The following ACBD6 variants were observed in gnomAD, a reference collection of about 807,000 sequenced individuals.
ACBD6 encodes the protein acyl-CoA-binding domain-containing protein 6.
ACBD6 carries 28 observed loss-of-function variants against 37.2 expected under a neutral mutation model. The observed-to-expected ratio is 0.75, with a 90% CI of 0.56 to 1.03. The LOEUF (loss-of-function observed/expected upper bound fraction) is 1.03, where lower values mean the gene tolerates loss of function less well. ACBD6 is among the 50% of genes least tolerant of loss of function. The probability of loss-of-function intolerance (pLI) is 0.00; values close to 1 mark genes in which losing one functional copy is unlikely to be tolerated. For synonymous variants in ACBD6, 113 were observed against 126.8 expected (o/e 0.89, Z 0.73); for missense variants, 340 against 337.4 (o/e 1.01, Z -0.06).
At chr1:180,420,154 G>A (rs961574764) in intron 4 of ACBD6, among the ~76,000 whole-genome samples, 2 of 152,030 alleles carry the variant, frequency 1.3e-5, no homozygotes, top group Admixed American at 1.3e-4. Context: ...CCATCAAGTC[G>A]TCTTCTGTTA....
intron 1 of ACBD6, among the ~76,000 whole-genome samples, chr1:180,497,537 G>A (rs1281128384): frequency 6.6e-6 from 1 of 151,984 alleles, no homozygotes; most frequent in Non-Finnish European, 1.5e-5. Context: ...ATTTATATGG[G>A]TTATATCTAT....
intron 3 of ACBD6, among the ~76,000 whole-genome samples, chr1:180,463,239 G>A (rs1650218126): frequency 3.9e-5 from 6 of 152,014 alleles, no homozygotes; most frequent in Admixed American, 3.9e-4. Flanking sequence ...TGAACTGAAG[G>A]ATATAGACAT....
At chr1:180,274,849 C>T in exon 10 of ACBD6, 1 of 385,656 alleles carries the variant, frequency 2.6e-6, no homozygotes, top group Non-Finnish European at 4.7e-6. Flanking sequence ...GGGTCTCTCC[C>T]CTGCTGTTCT....
chr1:180,456,730 A>T (rs962592759), intron 3 of ACBD6, among the ~76,000 whole-genome samples: 24 of 147,262 alleles, frequency 1.6e-4, no homozygotes, highest in African/African-American at 2.7e-4. Context: ...GATCTTTAAA[A>T]TTTTTTTTTT....
intron 4 of ACBD6, among the ~76,000 whole-genome samples, chr1:180,429,072 G>A (rs987237029): frequency 1.3e-5 from 2 of 152,164 alleles, no homozygotes; most frequent in Non-Finnish European, 2.9e-5. Flanking sequence ...CTCAGATAGT[G>A]AGAATGCAAA....
intron 3 of ACBD6, among the ~76,000 whole-genome samples, chr1:180,445,113 C>T (rs796844640): frequency 7.9e-5 from 12 of 152,186 alleles, no homozygotes; most frequent in African/African-American, 2.9e-4. Context: ...TATTTCATAC[C>T]TATTTATATT....
intron 7 of ACBD6, among the ~76,000 whole-genome samples, chr1:180,290,858 T>C (rs1393386093): frequency 6.6e-6 from 1 of 152,214 alleles, no homozygotes; most frequent in Non-Finnish European, 1.5e-5. Flanking sequence ...AGTCAAGTTA[T>C]CTAGGGCCTT....
intron 6 of ACBD6, among the ~76,000 whole-genome samples, chr1:180,367,471 T>C (rs1653094983): frequency 6.6e-6 from 1 of 152,170 alleles, no homozygotes; most frequent in Admixed American, 6.6e-5. Context: ...GTTGTACAAA[T>C]TATTTCATCA....
At chr1:180,320,059 T>C (rs1437873724) in intron 6 of ACBD6, among the ~76,000 whole-genome samples, 3 of 152,204 alleles carry the variant, frequency 2.0e-5, no homozygotes, top group Non-Finnish European at 2.9e-5. Flanking sequence ...GCTCTATTTT[T>C]AGTTGTTTGA....
At chr1:180,336,035 A>G (rs1273011758) in intron 6 of ACBD6, among the ~76,000 whole-genome samples, 2 of 151,746 alleles carry the variant, frequency 1.3e-5, no homozygotes, top group African/African-American at 2.4e-5. Flanking sequence ...ACCTAGAAAG[A>G]GACTTAGACT....
intron 6 of ACBD6, among the ~76,000 whole-genome samples, chr1:180,383,209 A>T (rs1653726787): frequency 2.6e-5 from 4 of 152,218 alleles, no homozygotes; most frequent in Non-Finnish European, 1.5e-5. Context: ...GGAAAGAGAA[A>T]GAAAGAAAAA....
At chr1:180,334,250 C>T (rs922133283) in intron 6 of ACBD6, among the ~76,000 whole-genome samples, 5 of 152,212 alleles carry the variant, frequency 3.3e-5, no homozygotes, top group African/African-American at 1.2e-4. Flanking sequence ...AGTAGCCTAA[C>T]TAGGAGGCAC....
At chr1:180,419,105 G>C (rs1558291977) in intron 4 of ACBD6, among the ~76,000 whole-genome samples, 2 of 152,332 alleles carry the variant, frequency 1.3e-5, no homozygotes, top group East Asian at 3.9e-4. Context: ...CAAAAAATTA[G>C]CCAGGCATGG....
chr1:180,489,847 C>T (rs1393844888), intron 3 of ACBD6, among the ~76,000 whole-genome samples: 3 of 151,960 alleles, frequency 2.0e-5, no homozygotes, highest in African/African-American at 7.3e-5. Context: ...TTAGTAGAGA[C>T]GGGATTTCAC....
chr1:180,283,121 G>A (rs1184567949), intron 8 of ACBD6, among the ~76,000 whole-genome samples: 1 of 152,080 alleles, frequency 6.6e-6, no homozygotes, highest in African/African-American at 2.4e-5. Context: ...TCCTGTGTGT[G>A]TGCATAAGCT....
intron 6 of ACBD6, among the ~76,000 whole-genome samples, chr1:180,377,402 T>C (rs1653474937): frequency 2.0e-5 from 3 of 152,306 alleles, no homozygotes; most frequent in African/African-American, 7.2e-5. Flanking sequence ...TGAGCACATC[T>C]AGTGTCCAGC....
At chr1:180,455,140 A>G (rs1649867390) in intron 3 of ACBD6, among the ~76,000 whole-genome samples, 1 of 152,232 alleles carries the variant, frequency 6.6e-6, no homozygotes, top group African/African-American at 2.4e-5. Context: ...TCAGTGATAG[A>G]CTGGATTAAG....
At chr1:180,308,271 T>A (rs1331838192) in intron 7 of ACBD6, among the ~76,000 whole-genome samples, 1 of 152,236 alleles carries the variant, frequency 6.6e-6, no homozygotes. Flanking sequence ...TATCCAAGTT[T>A]TACTGAAGTT....
At chr1:180,350,023 CTTTTTT>C (rs371542775) in intron 6 of ACBD6, among the ~76,000 whole-genome samples, 1 of 65,554 alleles carries the variant, frequency 1.5e-5, no homozygotes, top group African/African-American at 4.1e-5. Context: ...TCCAGTGACC[CTTTTTT>C]TTTTTTTTTT....
Sources: gnomAD v4.1 joint callset for allele counts (sites outside exome capture counted in the v4.1 genomes callset) on GRCh38, gnomAD v4.1.1 for gene constraint, MANE v1.5 for transcripts, NCBI Gene and HGNC (gene_info 2026-07-23, HGNC 2026-07-21) for gene names.